PPEF1: variants seen among roughly 807,000 people sequenced by gnomAD.
PPEF1 encodes serine/threonine-protein phosphatase with EF-hands 1.
In PPEF1, 12 loss-of-function variants were observed where a neutral mutation model predicts 53.3. The observed-to-expected ratio is 0.23, with a 90% CI of 0.14 to 0.36. PPEF1 has a LOEUF of 0.36. PPEF1 is among the 10% of genes least tolerant of loss of function. The pLI, the probability that PPEF1 is intolerant of heterozygous loss-of-function variation, is 1.00. For synonymous variants in PPEF1, 165 were observed against 176.7 expected (o/e 0.93, Z 0.52); for missense variants, 334 against 490.4 (o/e 0.68, Z 3.01).
At chrX:18,750,160 C>T (rs182294970) in intron 4 of PPEF1, among the ~76,000 whole-genome samples, 1 of 111,942 alleles carries the variant, frequency 8.9e-6, no homozygotes, top group African/African-American at 3.2e-5. Context: ...ATTTCATTTG[C>T]CATTTTCTGA....
chrX:18,721,232 A>C (rs1245053558), intron 1 of PPEF1, among the ~76,000 whole-genome samples: 3 of 111,876 alleles, frequency 2.7e-5, no homozygotes, highest in African/African-American at 9.7e-5. Flanking sequence ...AAAAAAACTA[A>C]TGTGTGAAAT....
In PPEF1 at chrX:18,743,446, C is replaced by CTTTTTTTTTTTTTTTTTTTTTTTTTTTTT. The variant is rs72264344; in HGVS notation, c.236-6325_236-6324insTTTTTTTTTTTTTTTTTTTTTTTTTTTTT. ...TTTTTCTTTTCTTTTTTCTCTTTTT[C>CTTTTTTTTTTTTTTTTTTTTTTTTTTTTT]TTTTTTTTTTTTTTTTTTTTTGAGA... On this transcript the variant is annotated intron_variant, in intron 3 of 15. Transcript: ENST00000470157. 1.5e-4 allele frequency among the ~76,000 whole-genome samples: 9 copies of CTTTTTTTTTTTTTTTTTTTTTTTTTTTTT among 59,328 alleles called. 1 individual carries two copies. Among genetic ancestry groups the CTTTTTTTTTTTTTTTTTTTTTTTTTTTTT allele is most frequent in the African/African-American group, 5.0e-4 (7 of 13,864 alleles). 51.5% of individuals were successfully genotyped at this position (59,328 alleles called of 115,157 possible).
chrX:18,760,407 C>G (rs745603086), intron 5 of PPEF1, among the ~76,000 whole-genome samples: 1 of 111,132 alleles, frequency 9.0e-6, no homozygotes, highest in Non-Finnish European at 1.9e-5. Flanking sequence ...TCAGATGCTG[C>G]TACTGGAGTA....
chrX:18,773,030 C>A (rs2147552756), intron 6 of PPEF1, among the ~76,000 whole-genome samples: 1 of 112,727 alleles, frequency 8.9e-6, no homozygotes, highest in African/African-American at 3.2e-5. Context: ...TGTACATCAT[C>A]ACTTTTGCTT....
chrX:18,810,076 CTGTG>C (rs199559695), intron 12 of PPEF1, among the ~76,000 whole-genome samples: 15,853 of 99,280 alleles, frequency 0.16, 1,010 homozygotes, highest in Admixed American at 0.23. Flanking sequence ...AAAAAATCCT[CTGTG>C]TGTGTGTGTG....
At chrX:18,701,389 G>C (rs1930108146) in intron 6 of PPEF1, among the ~76,000 whole-genome samples, 1 of 112,173 alleles carries the variant, frequency 8.9e-6, no homozygotes, top group South Asian at 3.7e-4. Context: ...ACCCATGCAT[G>C]GCCCCTCCTA....
intron 3 of PPEF1, among the ~76,000 whole-genome samples, chrX:18,734,773 C>T (rs1370485192): frequency 9.0e-6 from 1 of 111,714 alleles, no homozygotes; most frequent in Non-Finnish European, 1.9e-5. Flanking sequence ...TATTTCTCCA[C>T]ATCCTCTCCA....
chrX:18,777,889 C>T (rs891243111), intron 6 of PPEF1, among the ~76,000 whole-genome samples: 1 of 110,267 alleles, frequency 9.1e-6, no homozygotes, highest in Admixed American at 9.7e-5. Flanking sequence ...GGATTATAGG[C>T]GCACACCACC....
chrX:18,732,484 G>A (rs1484866128), intron 2 of PPEF1, among the ~76,000 whole-genome samples: 2 of 111,853 alleles, frequency 1.8e-5, no homozygotes, highest in Non-Finnish European at 3.8e-5. Context: ...AGTGGATGAG[G>A]GCTCCAATTT....
intron 14 of PPEF1, 34 bp from the exon 15 acceptor site, chrX:18,825,717 A>G (rs1482374288): frequency 1.3e-5 from 12 of 949,520 alleles, no homozygotes; most frequent in South Asian, 2.6e-5. Context: ...CATGAATTCA[A>G]TATGTTCTAA....
In PPEF1 at chrX:18,822,509, A is replaced by T. The variant is rs772177991; in HGVS notation, c.1502-1414A>T. 3.3e-4 allele frequency among the ~76,000 whole-genome samples: 36 copies of T among 108,038 alleles called. 1 individual carries two copies. The highest frequency in any genetic ancestry group is 1.5e-4 in the Non-Finnish European group (8 of 52,091). The allele number at this position is 108,038 out of a possible 115,157, so 93.8% of individuals were successfully genotyped here. Reference sequence around the variant, plus strand: ...AGAAACCTAATGAATGAGGTATGAGATTTCTTTTTTTTTTTTTGAGACGGA... The same window carrying T: ...AGAAACCTAATGAATGAGGTATGAGTTTTCTTTTTTTTTTTTTGAGACGGA... On this transcript the variant is annotated intron_variant, in intron 13 of 15. Transcript: ENST00000470157.
chrX:18,822,489 C>A (rs1427075368), intron 13 of PPEF1, among the ~76,000 whole-genome samples: 2 of 110,039 alleles, frequency 1.8e-5, no homozygotes, highest in Non-Finnish European at 3.8e-5. Flanking sequence ...GTGGGAGAAA[C>A]CTAATGAATG....
At position 18,730,235 on chromosome X, in the gene PPEF1, T is replaced by A; in HGVS notation, c.101T>A (p.Leu34Gln). The A allele has an allele frequency of 8.3e-7, 1 of 1,209,907 alleles. No individual in the cohort carries two copies. The highest frequency in any genetic ancestry group is 1.1e-6 in the Non-Finnish European group (1 of 893,740). ...TGGTACCGAGGTTACAAAGCTCGACTGAAGGCCAGACAACACTATGCCCTC... is the reference window on the plus strand; with the variant it reads ...TGGTACCGAGGTTACAAAGCTCGACAGAAGGCCAGACAACACTATGCCCTC... ...QNWYRGYKAR[L>Q]KARQHYALTI... is the part of the protein sequence containing the mutation. The change falls in exon 2 of 16, where the codon CTG becomes CAG. Residue 34 changes from leucine (L) to glutamine (Q), a missense_variant. Coordinates refer to ENST00000470157, the MANE Select transcript of PPEF1 (RefSeq NM_001377996.1).
intron 12 of PPEF1, among the ~76,000 whole-genome samples, chrX:18,815,125 G>A (rs2047019088): frequency 9.0e-6 from 1 of 111,485 alleles, no homozygotes; most frequent in African/African-American, 3.3e-5. Flanking sequence ...TTGTTTATTT[G>A]TCCTGTGTTA....
intron 6 of PPEF1, among the ~76,000 whole-genome samples, chrX:18,772,711 C>G (rs912008117): frequency 8.9e-6 from 1 of 112,384 alleles, no homozygotes; most frequent in East Asian, 2.8e-4. Flanking sequence ...AAATTTGGGT[C>G]AAGCTTAGCT....
chrX:18,756,600 C>T (rs1238052013), intron 4 of PPEF1, among the ~76,000 whole-genome samples: 1 of 112,253 alleles, frequency 8.9e-6, no homozygotes, highest in Non-Finnish European at 1.9e-5. Flanking sequence ...AATGGAGAAA[C>T]TGCCATCTGA....
intron 10 of PPEF1, among the ~76,000 whole-genome samples, chrX:18,798,603 C>T (rs1338188092): frequency 1.8e-5 from 2 of 110,942 alleles, no homozygotes; most frequent in Non-Finnish European, 3.8e-5. Flanking sequence ...AATCTAGGTA[C>T]CTGGCTGGAA....
chrX:18,723,379 A>G (rs2044632051), intron 1 of PPEF1, among the ~76,000 whole-genome samples: 1 of 112,016 alleles, frequency 8.9e-6, no homozygotes, highest in Admixed American at 9.5e-5. Flanking sequence ...ACAATTTTTA[A>G]AAAAGTATCT....
At chrX:18,782,660 C>G (rs916273819) in intron 8 of PPEF1, among the ~76,000 whole-genome samples, 6 of 111,388 alleles carry the variant, frequency 5.4e-5, no homozygotes, top group Admixed American at 9.6e-5. Context: ...TTCATTGCTT[C>G]AAAGGTACCA....
Sources: allele counts gnomAD v4.1 joint callset (sites outside exome capture counted in the v4.1 genomes callset), GRCh38; gene constraint gnomAD v4.1.1; transcripts MANE v1.5; gene names NCBI Gene and HGNC (gene_info 2026-07-23, HGNC 2026-07-21).